Variants in CADM2 observed in about 807,000 individuals in gnomAD.
CADM2 encodes the protein cell adhesion molecule 2, also known as immunoglobulin superfamily member 4D.
In CADM2, 12 loss-of-function variants were observed where a neutral mutation model predicts 49.8. The ratio of observed to expected loss-of-function variants is 0.24; its 90% CI spans 0.15 to 0.39. CADM2 has a LOEUF of 0.39. CADM2 is among the 10% of genes least tolerant of loss of function. The pLI, the probability that CADM2 is intolerant of heterozygous loss-of-function variation, is 1.00. For missense variants in CADM2, 378 were observed against 492.3 expected, an observed-to-expected ratio of 0.77 and a Z score of 2.20; for synonymous variants, 214 against 175.4, an observed-to-expected ratio of 1.22 and a Z score of -1.74.
chr3:85,400,821 G>A lies in CADM2; in HGVS notation c.62-325701G>A, dbSNP rs1237974935. Among the ~76,000 whole-genome samples the A allele has an allele frequency of 5.3e-5, 8 of 152,224 alleles. No individual in the cohort carries two copies. In the East Asian group the frequency reaches 1.5e-3, roughly 29 times the overall value. ...CTTGGAGCAGTGAGTCCTTAATGCT[G>A]ATCTCACTTTCCAGGGCAGCCATGG... On this transcript the variant is annotated intron_variant, in intron 1 of 9. Coordinates refer to ENST00000383699, the MANE Select transcript of CADM2 (RefSeq NM_001167675.2).
intron 3 of CADM2, among the ~76,000 whole-genome samples, chr3:85,836,002 A>G (rs1278654967): frequency 1.3e-5 from 2 of 151,448 alleles, no homozygotes; most frequent in Non-Finnish European, 3.0e-5. Context: ...TATGACTTTC[A>G]TACAGGCTGC....
At chr3:85,794,838 C>G (rs1199557559) in intron 2 of CADM2, among the ~76,000 whole-genome samples, 1 of 152,110 alleles carries the variant, frequency 6.6e-6, no homozygotes, top group African/African-American at 2.4e-5. Context: ...GTAAGCTTCT[C>G]TTTCTTTACC....
intron 1 of CADM2, among the ~76,000 whole-genome samples, chr3:85,204,598 C>A (rs186115596): frequency 6.8e-4 from 104 of 152,090 alleles, no homozygotes; most frequent in African/African-American, 2.3e-3. Context: ...AAATCCTTGC[C>A]CCCTCAGACT....
chr3:85,177,381 G>A (rs141868782), intron 1 of CADM2, among the ~76,000 whole-genome samples: 184 of 151,910 alleles, frequency 1.2e-3, no homozygotes, highest in Non-Finnish European at 2.2e-3. Flanking sequence ...TTTTATGATC[G>A]TTTATACCTT....
At chr3:85,290,261 T>A (rs1484107922) in intron 1 of CADM2, among the ~76,000 whole-genome samples, 2 of 152,164 alleles carry the variant, frequency 1.3e-5, no homozygotes, top group African/African-American at 2.4e-5. Flanking sequence ...CACGAGATTA[T>A]ATCCCGCACC....
chr3:85,705,177 A>G (rs1445686939), intron 1 of CADM2, among the ~76,000 whole-genome samples: 1 of 150,402 alleles, frequency 6.6e-6, no homozygotes, highest in Non-Finnish European at 1.5e-5. Context: ...CCTTCTTTTC[A>G]TTCTTATTTA....
chr3:85,153,253 C>A lies in CADM2; in HGVS notation c.61+193585C>A, dbSNP rs560888653. ...GCACCCTGCGCGAGCCGAAGCAGGG[C>A]GAGGCATTGCCTCACTCGGGAAGTG... On this transcript the variant is annotated intron_variant, in intron 1 of 9. Transcript: ENST00000383699. Among the ~76,000 whole-genome samples the A allele has an allele frequency of 2.4e-3, 362 of 152,226 alleles. 1 individual carries two copies. The highest frequency in any genetic ancestry group is 6.8e-3 in the Middle Eastern group (2 of 294).
chr3:85,720,777 A>C (rs981817283), intron 1 of CADM2, among the ~76,000 whole-genome samples: 6 of 152,184 alleles, frequency 3.9e-5, no homozygotes, highest in Admixed American at 1.3e-4. Context: ...TTAAAGAAAG[A>C]AAACAAAAAG....
chr3:85,452,822 T>C (rs903045454), intron 1 of CADM2, among the ~76,000 whole-genome samples: 1 of 152,196 alleles, frequency 6.6e-6, no homozygotes, highest in African/African-American at 2.4e-5. Flanking sequence ...ATAAAGTGTT[T>C]GCCAACAAGT....
chr3:85,886,373 G>A, intron 5 of CADM2, 46 bp downstream of exon 5: 2 of 1,417,228 alleles, frequency 1.4e-6, no homozygotes, highest in South Asian at 1.2e-5. Context: ...GCTGAAACCA[G>A]TATGACATGT....
intron 2 of CADM2, 94 bp downstream of exon 2, chr3:85,726,642 GATA>G: frequency 1.1e-6 from 1 of 912,202 alleles, no homozygotes; most frequent in Admixed American, 1.8e-5. Flanking sequence ...TTCGGTTGGT[GATA>G]ATACTATTTC....
At chr3:85,601,163 T>C (rs9870611) in intron 1 of CADM2, among the ~76,000 whole-genome samples, 23,017 of 85,536 alleles carry the variant, frequency 0.27, 2,879 homozygotes, top group South Asian at 0.36. Flanking sequence ...TATATATATA[T>C]ATATATATAT....
At chr3:85,949,598 A>T (rs181506887) in intron 7 of CADM2, among the ~76,000 whole-genome samples, 1 of 151,366 alleles carries the variant, frequency 6.6e-6, no homozygotes, top group East Asian at 2.0e-4. Flanking sequence ...TGATTTAAAA[A>T]ATACCTTCAA....
chr3:85,769,272 T>TACATATATAGTATATATACACACACATAC (rs1559643984), intron 2 of CADM2, among the ~76,000 whole-genome samples: 1 of 38,790 alleles, frequency 2.6e-5, no homozygotes, highest in Non-Finnish European at 3.9e-5. Flanking sequence ...TACACATATA[T>TACATATATAGTATATATACACACACATAC]ACATATATAC....
intron 1 of CADM2, among the ~76,000 whole-genome samples, chr3:85,272,722 T>C (rs561057238): frequency 3.8e-4 from 57 of 151,366 alleles, no homozygotes; most frequent in African/African-American, 1.4e-3. Context: ...ACTTCACCAG[T>C]TGAGAATAGG....
intron 1 of CADM2, among the ~76,000 whole-genome samples, chr3:85,502,435 G>C (rs1354946562): frequency 6.6e-6 from 1 of 151,960 alleles, no homozygotes; most frequent in African/African-American, 2.4e-5. Flanking sequence ...CTGTGAACAG[G>C]TCAGATTAAA....
chr3:84,985,433 G>A (rs770241076), intron 1 of CADM2, among the ~76,000 whole-genome samples: 2 of 151,838 alleles, frequency 1.3e-5, no homozygotes, highest in African/African-American at 2.4e-5. Flanking sequence ...AATATCACAA[G>A]GATTTTTAAA....
intron 1 of CADM2, among the ~76,000 whole-genome samples, chr3:85,066,088 T>G (rs759884658): frequency 4.6e-5 from 7 of 151,832 alleles, no homozygotes; most frequent in African/African-American, 1.7e-4. Flanking sequence ...TACAACAAAC[T>G]AAAAGAAAAA....
At chr3:84,993,459 G>A (rs1049308821) in intron 1 of CADM2, among the ~76,000 whole-genome samples, 1 of 152,172 alleles carries the variant, frequency 6.6e-6, no homozygotes, top group African/African-American at 2.4e-5. Context: ...GGAAGTGGTA[G>A]TAACAGTTAA....
Sources: allele counts gnomAD v4.1 joint callset (sites outside exome capture counted in the v4.1 genomes callset), GRCh38; gene constraint gnomAD v4.1.1; transcripts MANE v1.5; gene names NCBI Gene and HGNC (gene_info 2026-07-23, HGNC 2026-07-21).